KDM4D: variants seen among roughly 807,000 people sequenced by gnomAD.
KDM4D encodes the protein lysine demethylase 4D, also known as lysine-specific demethylase 4D.
For synonymous variants in KDM4D, 254 were observed against 249.1 expected (o/e 1.02, Z -0.19); for missense variants, 427 against 674.8 (o/e 0.63, Z 4.07).
rs587625470 is a variant in KDM4D, at chr11:94,988,080, CAAT to C, written c.-349-8943_-349-8941del. On this transcript the variant is annotated intron_variant, in intron 2 of 2. Transcript: ENST00000335080. Reference sequence around the variant, plus strand: ...AGTTTCTATATTGAAAATTCTAGCACAATGATTGACAAAGAAGACTTACCAATT... The same window carrying C: ...AGTTTCTATATTGAAAATTCTAGCACGATTGACAAAGAAGACTTACCAATT... Among the ~76,000 whole-genome samples, 6 of 152,188 alleles carry C rather than the reference CAAT, an allele frequency of 3.9e-5. No individual in the cohort carries two copies. The South Asian group carries it at 1.2e-3, about 32-fold the overall frequency.
intron 2 of KDM4D, among the ~76,000 whole-genome samples, chr11:94,978,912 G>C (rs12146507): frequency 6.6e-6 from 1 of 152,088 alleles, no homozygotes; most frequent in Non-Finnish European, 1.5e-5. Flanking sequence ...GACATAACTT[G>C]AGAAAATATG....
intron 2 of KDM4D, among the ~76,000 whole-genome samples, chr11:94,991,863 T>C (rs1419145998): frequency 6.7e-6 from 1 of 149,788 alleles, no homozygotes; most frequent in East Asian, 1.9e-4. Flanking sequence ...AATGTAAGAA[T>C]ATGGGTTCAA....
In KDM4D at chr11:94,998,659, C is replaced by T. The variant is rs782000523; in HGVS notation, c.1287C>T (p.Pro429=). 5 of 1,614,230 alleles carry T rather than the reference C, an allele frequency of 3.1e-6. No individual in the cohort carries two copies. Among genetic ancestry groups the T allele is most frequent in the Non-Finnish European group, 4.2e-6 (5 of 1,180,042 alleles). ...CTGCTGTCCACAGCTCTAAGAAGCC[C>T]AGCTCAACTCCATCATCCACCCCTG... ...RAAAVHSSKK[P]SSTPSSTPGP... The change falls in exon 3 of 3, where the codon CCC becomes CCT. Residue 429 remains proline (P), a synonymous_variant. Coordinates refer to ENST00000335080, the MANE Select transcript of KDM4D (RefSeq NM_018039.3). The surrounding 1 kb of genome is among the most constrained non-coding windows in gnomAD (Gnocchi z 6.7).
chr11:94,976,189 G>T (rs1384306811), intron 2 of KDM4D, among the ~76,000 whole-genome samples: 1 of 152,094 alleles, frequency 6.6e-6, no homozygotes, highest in East Asian at 1.9e-4. Context: ...TGTTAAACCT[G>T]TTACCACAAA....
chr11:94,982,807 A>G (rs1857853440), intron 2 of KDM4D, among the ~76,000 whole-genome samples: 1 of 152,010 alleles, frequency 6.6e-6, no homozygotes. Context: ...AAACAGATTC[A>G]TTATCTTTTT....
chr11:94,986,750 T>C (rs1368870086), intron 2 of KDM4D, among the ~76,000 whole-genome samples: 1 of 120,742 alleles, frequency 8.3e-6, no homozygotes, highest in Non-Finnish European at 2.0e-5. Context: ...TTTGAAAAAC[T>C]GTGTAGCAAT....
At chr11:94,982,109 A>G (rs1266179965) in intron 2 of KDM4D, among the ~76,000 whole-genome samples, 1 of 151,640 alleles carries the variant, frequency 6.6e-6, no homozygotes, top group Non-Finnish European at 1.5e-5. Flanking sequence ...TATTTTATAA[A>G]TTTGGGAATT....
At position 94,998,628 on chromosome 11, in the gene KDM4D, G is replaced by A. The variant is rs781973111; in HGVS notation, c.1256G>A (p.Arg419Gln). 1.7e-5 allele frequency: 28 copies of A among 1,614,024 alleles called. No homozygotes were observed. The East Asian group carries it at 4.2e-4, about 24-fold the overall frequency. ...GTTAGTGGCACTGCTACGCAGCCCC[G>A]GGCTGCTGCTGTCCACAGCTCTAAG... Reference protein sequence around the residue: ...SAVSGTATQPRAAAVHSSKKP... With the variant: ...SAVSGTATQPQAAAVHSSKKP... Residue 419 changes from arginine (R) to glutamine (Q), a missense_variant, in exon 3 of 3, where the codon CGG becomes CAG. Physicochemically the swap from Arg to Gln is conservative, Grantham distance 43. Coordinates refer to ENST00000335080, the MANE Select transcript of KDM4D (RefSeq NM_018039.3). The surrounding 1 kb of genome is among the most constrained non-coding windows in gnomAD (Gnocchi z 6.7).
chr11:94,998,767 G>C lies in KDM4D; in HGVS notation c.1395G>C (p.Leu465=), dbSNP rs1555099647. 6.2e-7 allele frequency: 1 copy of C among 1,611,438 alleles called. No individual in the cohort carries two copies. Among genetic ancestry groups the C allele is most frequent in the Non-Finnish European group, 8.5e-7 (1 of 1,177,938 alleles). Residue 465 remains leucine (L), a synonymous_variant, in exon 3 of 3, where the codon CTG becomes CTC. Transcript: ENST00000335080. The surrounding 1 kb of genome is among the most constrained non-coding windows in gnomAD (Gnocchi z 6.7). ...RPPQKLRAQE[L]TLQTPAKRPL... The stretch of plus-strand genomic sequence containing the variant: ...CTCAGAAACTGAGAGCTCAGGAGCT[G>C]ACCCTCCAGACTCCAGCCAAGAGGC...
intron 2 of KDM4D, among the ~76,000 whole-genome samples, chr11:94,978,035 A>G (rs746147296): frequency 3.4e-4 from 52 of 152,244 alleles, no homozygotes; most frequent in Non-Finnish European, 6.8e-4. Flanking sequence ...TCAAATGAAG[A>G]TATGATAAGA....
chr11:94,985,939 A>G (rs1470261464), intron 2 of KDM4D, among the ~76,000 whole-genome samples: 4 of 152,198 alleles, frequency 2.6e-5, no homozygotes, highest in Non-Finnish European at 4.4e-5. Flanking sequence ...GTGAGCTAAA[A>G]CTATAAAACA....
chr11:94,983,895 C>G (rs1319120732), intron 2 of KDM4D, among the ~76,000 whole-genome samples: 1 of 152,088 alleles, frequency 6.6e-6, no homozygotes, highest in Admixed American at 6.5e-5. Flanking sequence ...AGCAATTTGA[C>G]ATTGCCTAGT....
In KDM4D at chr11:94,997,414, A is replaced by G. The variant is rs782393734; in HGVS notation, c.42A>G (p.Pro14=). The change falls in exon 3 of 3, where the codon CCA becomes CCG. Residue 14 remains proline, a synonymous_variant. Coordinates refer to ENST00000335080, the MANE Select transcript of KDM4D (RefSeq NM_018039.3). ...CTAAGGCCAACTGTGCCCAGAATCCAAATTGTAACATAATGATATTTCATC... is the reference window on the plus strand; with the variant it reads ...CTAAGGCCAACTGTGCCCAGAATCCGAATTGTAACATAATGATATTTCATC... ...MKSKANCAQN[P]NCNIMIFHPT... is the part of the protein sequence containing the mutation. The G allele has an allele frequency of 6.2e-7, 1 of 1,612,592 alleles. No homozygotes were observed. The highest frequency in any genetic ancestry group is 8.5e-7 in the Non-Finnish European group (1 of 1,179,386).
chr11:94,983,132 AT>A (rs1267531740), intron 2 of KDM4D, among the ~76,000 whole-genome samples: 2 of 152,072 alleles, frequency 1.3e-5, no homozygotes, highest in Non-Finnish European at 2.9e-5. Context: ...ACAATCTAAC[AT>A]TGGCATAGAA....
At chr11:94,983,870 A>G (rs184811197) in intron 2 of KDM4D, among the ~76,000 whole-genome samples, 1 of 152,176 alleles carries the variant, frequency 6.6e-6, no homozygotes, top group South Asian at 2.1e-4. Context: ...GTTTATTAGG[A>G]TAGCCACTAG....
chr11:94,974,874 T>G (rs1364635688), intron 1 of KDM4D, among the ~76,000 whole-genome samples: 1 of 152,238 alleles, frequency 6.6e-6, no homozygotes, highest in Non-Finnish European at 1.5e-5. Flanking sequence ...TCTTTTATCC[T>G]ACAGTCAGTG....
intron 2 of KDM4D, among the ~76,000 whole-genome samples, chr11:94,987,328 T>C (rs1857896375): frequency 6.6e-6 from 1 of 152,236 alleles, no homozygotes; most frequent in Admixed American, 6.5e-5. Context: ...CTCAATAAAG[T>C]TGTTTAAAAA....
chr11:94,988,733 C>T (rs1555098342), intron 2 of KDM4D, among the ~76,000 whole-genome samples: 1 of 152,202 alleles, frequency 6.6e-6, no homozygotes. Context: ...TCCCTAGTCT[C>T]TGGTCCTGCT....
rs587672169 is a variant in KDM4D, at chr11:94,995,856, G to T, written c.-349-1168G>T. Among the ~76,000 whole-genome samples the T allele has an allele frequency of 4.6e-5, 7 of 152,146 alleles. No homozygotes were observed. In the South Asian group the frequency reaches 1.5e-3, roughly 32 times the overall value. ...ACAACCTTATCCCTTTCTCACTGAG[G>T]TATACTTGCCTGGAAAAATCCTAAC... On this transcript the variant is annotated intron_variant, in intron 2 of 2. Coordinates refer to ENST00000335080, the MANE Select transcript of KDM4D (RefSeq NM_018039.3).
Sources: allele counts gnomAD v4.1 joint callset (sites outside exome capture counted in the v4.1 genomes callset), GRCh38; gene constraint gnomAD v4.1.1; non-coding constraint Gnocchi (gnomAD v3.1); transcripts MANE v1.5; gene names NCBI Gene and HGNC (gene_info 2026-07-23, HGNC 2026-07-21).